The following NOX4 variants were observed in gnomAD, a reference collection of about 807,000 sequenced individuals.
NOX4 encodes the protein kidney oxidase-1.
A neutral mutation model predicts 87.6 loss-of-function variants in NOX4; 69 were observed. The observed-to-expected ratio is 0.79, with a 90% CI of 0.65 to 0.96. The LOEUF is 0.96. Among genes scored for constraint, NOX4 ranks in the 40% least tolerant of loss-of-function variants. The pLI is 0.00. For missense variants in NOX4, 680 were observed against 681.5 expected (o/e 1.00, Z 0.02); for synonymous variants, 275 against 238.2 (o/e 1.15, Z -1.42).
At chr11:89,498,543 T>G (rs991491128), upstream of NOX4, among the ~76,000 whole-genome samples, 1 of 152,102 alleles carries the variant, frequency 6.6e-6, no homozygotes, top group Non-Finnish European at 1.5e-5. Flanking sequence ...CGAATGAAAA[T>G]AGAAAAACTG....
At chr11:89,350,915 G>T (rs1218623115) in intron 13 of NOX4, among the ~76,000 whole-genome samples, 1 of 152,080 alleles carries the variant, frequency 6.6e-6, no homozygotes, top group Admixed American at 6.6e-5. Flanking sequence ...CTCTAAAATG[G>T]CCTCTAAGTT....
At chr11:89,362,128 T>C (rs1938571623) in intron 12 of NOX4, among the ~76,000 whole-genome samples, 1 of 151,794 alleles carries the variant, frequency 6.6e-6, no homozygotes, top group East Asian at 1.9e-4. Context: ...TTTCCTGTCA[T>C]GGGTATTGAT....
intron 11 of NOX4, among the ~76,000 whole-genome samples, chr11:89,391,753 A>AAG (rs1555011357): frequency 2.0e-5 from 3 of 150,666 alleles, no homozygotes; most frequent in African/African-American, 7.4e-5. Flanking sequence ...AAAAAAAAAA[A>AAG]AAAGAAAGAA....
chr11:89,363,530 T>A (rs911221639), intron 12 of NOX4, among the ~76,000 whole-genome samples: 1 of 152,084 alleles, frequency 6.6e-6, no homozygotes, highest in African/African-American at 2.4e-5. Context: ...TTATAGCTAC[T>A]TGAAAAGAAT....
chr11:89,550,397 G>A, the NOX4 span, among the ~76,000 whole-genome samples: 2 of 152,056 alleles, frequency 1.3e-5, no homozygotes, highest in Non-Finnish European at 2.9e-5. Context: ...TGTTGGCCAG[G>A]TTGGTCTTGA....
At chr11:89,541,840 G>T in the NOX4 span, among the ~76,000 whole-genome samples, 1 of 152,120 alleles carries the variant, frequency 6.6e-6, no homozygotes, top group African/African-American at 2.4e-5. Flanking sequence ...TTATTATTAA[G>T]ATAAGTTCTC....
chr11:89,500,618 A>G (rs1452667501), upstream of NOX4, among the ~76,000 whole-genome samples: 2 of 152,146 alleles, frequency 1.3e-5, no homozygotes, highest in Non-Finnish European at 2.9e-5. Context: ...TCCTTTTACA[A>G]AGGAAATTTC....
chr11:89,560,996 C>CTCTCTCTCTCTATATATATATA, the NOX4 span, among the ~76,000 whole-genome samples: 1 of 40,804 alleles, frequency 2.5e-5, no homozygotes, highest in African/African-American at 1.3e-4. Context: ...CTCTCTCTCT[C>CTCTCTCTCTCTATATATATATA]TATATATATA....
the NOX4 span, among the ~76,000 whole-genome samples, chr11:89,530,754 G>A: frequency 7.9e-5 from 12 of 152,054 alleles, no homozygotes; most frequent in Non-Finnish European, 1.5e-4. Context: ...TGATCTAGGG[G>A]TAGGTTCCTG....
At chr11:89,420,585 A>C (rs1408708102) in intron 8 of NOX4, among the ~76,000 whole-genome samples, 4 of 152,116 alleles carry the variant, frequency 2.6e-5, no homozygotes, top group African/African-American at 9.7e-5. Flanking sequence ...TGCTGTCTTA[A>C]TCAGCAGTCT....
intron 12 of NOX4, among the ~76,000 whole-genome samples, chr11:89,365,020 C>T (rs1377587835): frequency 1.3e-5 from 2 of 152,056 alleles, no homozygotes; most frequent in Admixed American, 1.3e-4. Flanking sequence ...TATTCTCTCC[C>T]GAGAATATAC....
At chr11:89,327,118 T>A (rs1945251695) in intron 17 of NOX4, among the ~76,000 whole-genome samples, 1 of 152,224 alleles carries the variant, frequency 6.6e-6, no homozygotes, top group South Asian at 2.1e-4. Context: ...TGAGCACAAA[T>A]ATGCTTATTA....
intron 11 of NOX4, among the ~76,000 whole-genome samples, chr11:89,381,830 T>G (rs1439272686): frequency 6.6e-6 from 1 of 151,822 alleles, no homozygotes; most frequent in East Asian, 1.9e-4. Flanking sequence ...AAGCAGGCTC[T>G]TTTTACTCTT....
chr11:89,433,562 G>T (rs970879104), intron 6 of NOX4, among the ~76,000 whole-genome samples: 1 of 151,804 alleles, frequency 6.6e-6, no homozygotes, highest in African/African-American at 2.4e-5. Context: ...CTGCTTTTAG[G>T]CTTCACTAAC....
the NOX4 span, among the ~76,000 whole-genome samples, chr11:89,522,217 C>T: frequency 3.7e-4 from 56 of 152,308 alleles, no homozygotes; most frequent in African/African-American, 1.0e-3. Context: ...CAAAAAGAAA[C>T]ATGCACTTGC....
At chr11:89,450,368 CTT>C (rs1379363339) in intron 3 of NOX4, among the ~76,000 whole-genome samples, 1 of 152,262 alleles carries the variant, frequency 6.6e-6, no homozygotes, top group South Asian at 2.1e-4. Context: ...TTAACAACTC[CTT>C]TTAAAATATC....
intron 11 of NOX4, among the ~76,000 whole-genome samples, chr11:89,379,376 A>G (rs1219232642): frequency 6.6e-6 from 1 of 152,086 alleles, no homozygotes; most frequent in Non-Finnish European, 1.5e-5. Context: ...CATCATTAAA[A>G]AAAAAAAAAT....
At chr11:89,457,051 C>T (rs1375393615) in intron 2 of NOX4, among the ~76,000 whole-genome samples, 3 of 152,100 alleles carry the variant, frequency 2.0e-5, no homozygotes, top group Non-Finnish European at 4.4e-5. Flanking sequence ...CATCATAGCT[C>T]CTTCACTGGA....
chr11:89,430,291 C>G (rs1943705529), intron 7 of NOX4, among the ~76,000 whole-genome samples: 1 of 152,138 alleles, frequency 6.6e-6, no homozygotes, highest in Non-Finnish European at 1.5e-5. Context: ...TGAAAACTGG[C>G]ACAAGACAGG....
Sources: allele counts gnomAD v4.1 joint callset (sites outside exome capture counted in the v4.1 genomes callset), GRCh38; gene constraint gnomAD v4.1.1; transcripts MANE v1.5; gene names NCBI Gene and HGNC (gene_info 2026-07-23, HGNC 2026-07-21).